LRFN2: variants seen among roughly 807,000 people sequenced by gnomAD.
LRFN2 encodes the protein leucine rich repeat and fibronectin type III domain containing 2.
A neutral mutation model predicts 37.3 loss-of-function variants in LRFN2; 18 were observed. That is an observed-to-expected ratio of 0.48 (90% CI 0.33 to 0.72). LRFN2 has a LOEUF of 0.72. Among genes scored for constraint, LRFN2 ranks in the 30% least tolerant of loss-of-function variants. The pLI, the probability that LRFN2 is intolerant of heterozygous loss-of-function variation, is 0.02. For synonymous variants in LRFN2, 556 were observed against 466.6 expected (o/e 1.19, Z -2.47); for missense variants, 1,006 against 1,060.7 (o/e 0.95, Z 0.72).
At chr6:40,561,310 G>A (rs1766990101) in intron 1 of LRFN2, among the ~76,000 whole-genome samples, 1 of 152,184 alleles carries the variant, frequency 6.6e-6, no homozygotes, top group South Asian at 2.1e-4. Context: ...TGGAAGGTCA[G>A]GGCTAAAAGA....
chr6:40,496,691 C>T (rs897190196), intron 1 of LRFN2, among the ~76,000 whole-genome samples: 9 of 152,098 alleles, frequency 5.9e-5, no homozygotes, highest in African/African-American at 1.7e-4. Context: ...CACATCTGCA[C>T]TAATCTATTT....
intron 1 of LRFN2, among the ~76,000 whole-genome samples, chr6:40,555,439 T>C (rs577504018): frequency 8.3e-4 from 126 of 152,240 alleles, no homozygotes; most frequent in Admixed American, 2.5e-3. Flanking sequence ...TTCTCAGAAG[T>C]ATTGATCACA....
At chr6:40,554,154 G>A (rs1044848334) in intron 1 of LRFN2, among the ~76,000 whole-genome samples, 7 of 152,230 alleles carry the variant, frequency 4.6e-5, no homozygotes, top group Non-Finnish European at 1.0e-4. Context: ...CCCCGAAGTG[G>A]GAGAGGAATG....
intron 1 of LRFN2, among the ~76,000 whole-genome samples, chr6:40,479,970 G>A (rs1182675716): frequency 6.6e-6 from 1 of 152,254 alleles, no homozygotes; most frequent in Non-Finnish European, 1.5e-5. Flanking sequence ...GGATTCCTGA[G>A]AATTGATGTT....
chr6:40,418,626 C>A (rs1763148566), intron 2 of LRFN2, among the ~76,000 whole-genome samples: 1 of 152,150 alleles, frequency 6.6e-6, no homozygotes, highest in Non-Finnish European at 1.5e-5. Flanking sequence ...TTCTCATCAG[C>A]AACAGGAGGA....
chr6:40,584,395 C>T (rs969494481), intron 1 of LRFN2, among the ~76,000 whole-genome samples: 12 of 152,212 alleles, frequency 7.9e-5, no homozygotes, highest in African/African-American at 2.9e-4. Flanking sequence ...CCCAGGCCAC[C>T]CAAGTTGAGG....
At chr6:40,409,912 G>C (rs1392384757) in intron 2 of LRFN2, among the ~76,000 whole-genome samples, 1 of 152,190 alleles carries the variant, frequency 6.6e-6, no homozygotes, top group Non-Finnish European at 1.5e-5. Flanking sequence ...ACCCCACGGA[G>C]AGTTGCCCTT....
chr6:40,544,948 A>G (rs1287036793), intron 1 of LRFN2, among the ~76,000 whole-genome samples: 1 of 152,198 alleles, frequency 6.6e-6, no homozygotes, highest in African/African-American at 2.4e-5. Flanking sequence ...AGTGCTGCCA[A>G]TGAGGGGAGT....
chr6:40,466,676 G>A (rs1451738464), intron 1 of LRFN2, among the ~76,000 whole-genome samples: 1 of 152,090 alleles, frequency 6.6e-6, no homozygotes, highest in Non-Finnish European at 1.5e-5. Flanking sequence ...TCATCCCTAT[G>A]CAAGTCACCC....
chr6:40,444,216 A>G (rs1581710636), intron 1 of LRFN2, among the ~76,000 whole-genome samples: 1 of 152,198 alleles, frequency 6.6e-6, no homozygotes, highest in African/African-American at 2.4e-5. Context: ...AGCTTTCTCA[A>G]TGAGTTATTG....
chr6:40,423,656 G>GA (rs1763280405), intron 2 of LRFN2, among the ~76,000 whole-genome samples: 1 of 152,092 alleles, frequency 6.6e-6, no homozygotes. Context: ...GCCTAACTTG[G>GA]AAAAAATAAC....
At chr6:40,435,153 CAGAGAGAG>C (rs10583784) in intron 1 of LRFN2, among the ~76,000 whole-genome samples, 2,735 of 113,582 alleles carry the variant, frequency 0.024, 96 homozygotes, top group African/African-American at 0.077. Context: ...TATATATATA[CAGAGAGAG>C]AGAGAGAGAG....
intron 1 of LRFN2, among the ~76,000 whole-genome samples, chr6:40,445,517 G>T (rs962070813): frequency 6.6e-6 from 1 of 152,146 alleles, no homozygotes; most frequent in Admixed American, 6.5e-5. Flanking sequence ...AATGATAGGT[G>T]GTAGGATTTC....
chr6:40,471,148 G>A (rs776061234), intron 1 of LRFN2, among the ~76,000 whole-genome samples: 14 of 152,100 alleles, frequency 9.2e-5, no homozygotes, highest in Admixed American at 3.9e-4. Context: ...GCAGGGGTAC[G>A]GATGAGGCTG....
chr6:40,456,525 G>A (rs1229917641), intron 1 of LRFN2, among the ~76,000 whole-genome samples: 1 of 152,230 alleles, frequency 6.6e-6, no homozygotes, highest in Non-Finnish European at 1.5e-5. Flanking sequence ...TCTTGTGTGT[G>A]GCCAAGGCCA....
At position 40,477,072 on chromosome 6, in the gene LRFN2, T is replaced by C. The variant is rs904802964; in HGVS notation, c.-18-43941A>G. Among the ~76,000 whole-genome samples the C allele has an allele frequency of 2.6e-5, 4 of 152,300 alleles. No individual in the cohort carries two copies. The East Asian group carries it at 7.7e-4, about 29-fold the overall frequency. ...TCAGCAGTCTCCAATCCCAACCACA[T>C]ATTAGACTTACAAGGAGTTTTACAA... On this transcript the variant is annotated intron_variant, in intron 1 of 2. Coordinates refer to ENST00000338305, the MANE Select transcript of LRFN2 (RefSeq NM_020737.3).
chr6:40,413,800 C>G (rs1223593426), intron 2 of LRFN2, among the ~76,000 whole-genome samples: 2 of 152,120 alleles, frequency 1.3e-5, no homozygotes, highest in Non-Finnish European at 2.9e-5. Context: ...AGAGCCCTCC[C>G]CTCCTGAAGC....
chr6:40,438,245 G>C (rs549552946), intron 1 of LRFN2, among the ~76,000 whole-genome samples: 1 of 152,146 alleles, frequency 6.6e-6, no homozygotes, highest in Non-Finnish European at 1.5e-5. Context: ...GTCCAGTCTT[G>C]GGCATTTACC....
intron 1 of LRFN2, among the ~76,000 whole-genome samples, chr6:40,441,537 T>C (rs1763835586): frequency 6.6e-6 from 1 of 152,162 alleles, no homozygotes; most frequent in Non-Finnish European, 1.5e-5. Flanking sequence ...ACAGCTTGTT[T>C]GTTCAGCTTT....
Sources: gnomAD v4.1 joint callset for allele counts (sites outside exome capture counted in the v4.1 genomes callset) on GRCh38, gnomAD v4.1.1 for gene constraint, MANE v1.5 for transcripts, NCBI Gene and HGNC (gene_info 2026-07-23, HGNC 2026-07-21) for gene names.